Variants in DSC2 observed in about 807,000 individuals in gnomAD.
The protein encoded by DSC2 is desmocollin-2.
A neutral mutation model predicts 87.6 loss-of-function variants in DSC2; 51 were observed. The ratio of observed to expected loss-of-function variants is 0.58; its 90% CI spans 0.46 to 0.74. DSC2 has a LOEUF of 0.74. Ranked by LOEUF, DSC2 falls within the 30% of genes least tolerant of loss-of-function variation. DSC2 has a pLI of 0.00. For missense variants in DSC2, 1,066 were observed against 1,089.5 expected (o/e 0.98, Z 0.30); for synonymous variants, 383 against 393.2 (o/e 0.97, Z 0.31).
intron 8 of DSC2, 29 bp from the exon 9 acceptor site, chr18:31,082,452 T>G (rs748070748): frequency 1.9e-6 from 3 of 1,602,840 alleles, no homozygotes; most frequent in Non-Finnish European, 1.7e-6. Context: ...ACAAAAAATT[T>G]CGTTAGTAAC....
intron 4 of DSC2, among the ~76,000 whole-genome samples, chr18:31,090,439 G>C (rs1987552829): frequency 6.6e-6 from 1 of 152,110 alleles, no homozygotes; most frequent in Admixed American, 6.5e-5. Flanking sequence ...CAGAGAAAAA[G>C]AGCCAGGTAT....
chr18:31,067,231 C>A lies in DSC2; in HGVS notation c.*784G>T, dbSNP rs1613246. The A allele has an allele frequency of 2.8e-5, 4 of 142,972 alleles. No homozygotes were observed. The highest frequency in any genetic ancestry group is 4.4e-4 in the South Asian group (2 of 4,530). The allele number at this position is 142,972 out of a possible 1,614,324, so 8.9% of individuals were successfully genotyped here. A position where few individuals can be genotyped will look rare whatever the true frequency, so the allele number is the denominator to read the frequency against. The stretch of plus-strand genomic sequence containing the variant: ...GACAGATTTTTAAAATATTTGGATT[C>A]TTTAGCCCATATGGAAATTAAAAAA... On this transcript the variant is annotated 3_prime_UTR_variant, in exon 16 of 16. Coordinates refer to ENST00000280904, the MANE Select transcript of DSC2 (RefSeq NM_024422.6).
intron 1 of DSC2, among the ~76,000 whole-genome samples, chr18:31,100,515 G>A (rs1987904979): frequency 6.6e-6 from 1 of 152,198 alleles, no homozygotes. Flanking sequence ...TCTGTAAAAT[G>A]TTAACTGCTG....
At chr18:31,080,761 C>T (rs1043362644) in intron 9 of DSC2, among the ~76,000 whole-genome samples, 5 of 152,196 alleles carry the variant, frequency 3.3e-5, no homozygotes, top group African/African-American at 1.2e-4. Context: ...CCTACCTAGT[C>T]ATGCCTCCTA....
intron 7 of DSC2, among the ~76,000 whole-genome samples, chr18:31,086,027 T>C (rs143744407): frequency 5.1e-4 from 77 of 152,068 alleles, no homozygotes; most frequent in African/African-American, 1.8e-3. Context: ...AAGGTGACAA[T>C]AGAAAATGAT....
intron 12 of DSC2, among the ~76,000 whole-genome samples, chr18:31,073,223 T>C (rs2144795029): frequency 6.6e-6 from 1 of 151,900 alleles, no homozygotes; most frequent in South Asian, 2.1e-4. Flanking sequence ...TAAGTAAGAC[T>C]ATTGGGAAAA....
chr18:31,101,898 C>T lies in DSC2; in HGVS notation c.69+5G>A, dbSNP rs1196664685. ...CCCCGGAGCGGTGGCCGCGGCTACA[C>T]TCACCGCGAGGGTCAGCAGGAGCAG... On this transcript the variant is annotated splice_donor_5th_base_variant and intron_variant, in intron 1 of 15. Coordinates refer to ENST00000280904, the MANE Select transcript of DSC2 (RefSeq NM_024422.6). 6.5e-7 allele frequency: 1 copy of T among 1,531,934 alleles called. No homozygotes were observed. The highest frequency in any genetic ancestry group is 8.7e-7 in the Non-Finnish European group (1 of 1,144,378). The allele number at this position is 1,531,934 out of a possible 1,614,324, so 94.9% of individuals were successfully genotyped here.
Position 31,093,650 on chromosome 18 carries a change from A to C in DSC2, c.70-7T>G, listed in dbSNP as rs184341263. 1.2e-5 allele frequency: 18 copies of C among 1,559,088 alleles called. No homozygotes were observed. In the East Asian group the frequency reaches 4.2e-4, roughly 36 times the overall value. ...CACTGGCAAATATTAAGATCTAAAA[A>C]ATGAAAAAAAATCAAATAAATATTA... is the stretch of plus-strand genomic sequence containing the variant. On this transcript the variant is annotated splice_polypyrimidine_tract_variant and splice_region_variant and intron_variant, in intron 1 of 15. Transcript: ENST00000280904.
intron 1 of DSC2, among the ~76,000 whole-genome samples, chr18:31,099,865 A>G (rs998829988): frequency 5.3e-5 from 8 of 152,092 alleles, no homozygotes; most frequent in Non-Finnish European, 2.9e-5. Context: ...CCTCCTACCA[A>G]AGATATTTCT....
At chr18:31,069,197 C>T (rs1391343834) in intron 14 of DSC2, 46 bp from the exon 15 acceptor site, 3 of 1,611,908 alleles carry the variant, frequency 1.9e-6, no homozygotes, top group Non-Finnish European at 2.5e-6. Context: ...GAGAGGAACA[C>T]AAAATTATGA....
intron 15 of DSC2, 77 bp downstream of exon 15, chr18:31,068,817 T>C (rs1231784194): frequency 1.9e-6 from 3 of 1,542,956 alleles, no homozygotes; most frequent in South Asian, 1.1e-5. Flanking sequence ...TTGAAAATTA[T>C]AGTCAGAATC....
intron 11 of DSC2, among the ~76,000 whole-genome samples, chr18:31,078,812 A>T (rs187019457): frequency 6.6e-6 from 1 of 152,296 alleles, no homozygotes; most frequent in African/African-American, 2.4e-5. Context: ...TATATTTAGC[A>T]TATTTATTTT....
At chr18:31,073,315 T>C (rs1986892246) in intron 12 of DSC2, among the ~76,000 whole-genome samples, 1 of 151,222 alleles carries the variant, frequency 6.6e-6, no homozygotes, top group African/African-American at 2.4e-5. Context: ...AATCTAAGAA[T>C]AAAGTTAATT....
At chr18:31,090,412 T>C (rs912726513) in intron 4 of DSC2, among the ~76,000 whole-genome samples, 1 of 152,114 alleles carries the variant, frequency 6.6e-6, no homozygotes, top group Non-Finnish European at 1.5e-5. Context: ...GGGTTTCTAC[T>C]GAAAGTTAAA....
Position 31,093,445 on chromosome 18 carries a change from C to T in DSC2, c.154+114G>A, listed in dbSNP as rs553476689. 48 of 731,454 alleles carry T rather than the reference C, an allele frequency of 6.6e-5. No individual in the cohort carries two copies. The African/African-American group carries it at 7.4e-4, about 11-fold the overall frequency. 45.3% of individuals were successfully genotyped at this position (731,454 alleles called of 1,614,324 possible). A position where few individuals can be genotyped will look rare whatever the true frequency, so the allele number is the denominator to read the frequency against. ...TGAGAATAATTGCTTCCAGCTCCAT[C>T]CACATCCCTTCCAAGGGACAAGATC... On this transcript the variant is annotated intron_variant, in intron 2 of 15. Transcript: ENST00000280904.
Position 31,089,019 on chromosome 18 carries a change from G to T in DSC2, c.630+420C>A, listed in dbSNP as rs142245179. Reference sequence around the variant, plus strand: ...TCTCTACTAAAAATACAAAAAATTAGCTGGGTATCATGGTGCGTGCCTGTG... The same window carrying T: ...TCTCTACTAAAAATACAAAAAATTATCTGGGTATCATGGTGCGTGCCTGTG... On this transcript the variant is annotated intron_variant, in intron 5 of 15. Transcript: ENST00000280904. Among the ~76,000 whole-genome samples the T allele has an allele frequency of 2.0e-5, 3 of 151,986 alleles. No individual in the cohort carries two copies. In the East Asian group the frequency reaches 5.8e-4, roughly 30 times the overall value.
In DSC2 at chr18:31,101,996, G is replaced by C. The variant is rs904308285; in HGVS notation, c.-25C>G. ...TGGAGAGGGCTCGGGGCAGGTCGCG[G>C]GCCGAGCGTCGGGCCGGGGTAGGAG... On this transcript the variant is annotated 5_prime_UTR_variant, in exon 1 of 16. Transcript: ENST00000280904. The C allele has an allele frequency of 2.2e-5, 33 of 1,486,926 alleles. No homozygotes were observed. In the African/African-American group the frequency reaches 3.8e-4, roughly 17 times the overall value. The allele number at this position is 1,486,926 out of a possible 1,614,324, so 92.1% of individuals were successfully genotyped here.
At chr18:31,093,510 A>G in intron 2 of DSC2, 49 bp downstream of exon 2, 1 of 1,443,506 alleles carries the variant, frequency 6.9e-7, no homozygotes, top group Non-Finnish European at 9.7e-7. Flanking sequence ...CATGGCGTAT[A>G]TGTACCACAG....
Position 31,092,174 on chromosome 18 carries a change from A to T in DSC2, c.281T>A (p.Phe94Tyr). The change falls in exon 3 of 16, where the codon TTT (phenylalanine) becomes TAT (tyrosine). Residue 94 changes from phenylalanine (F) to tyrosine (Y), a missense_variant. Transcript: ENST00000280904. ...TILLSSEKRSFTILLSNTENQ... is the reference protein window; with the variant it reads ...TILLSSEKRSYTILLSNTENQ... ...CTCAGTGTTGGAAAGTAATATGGTAAAACTTCTCTTCTCCGAGGACAATAG... is the reference window on the plus strand; with the variant it reads ...CTCAGTGTTGGAAAGTAATATGGTATAACTTCTCTTCTCCGAGGACAATAG... 2 of 1,613,686 alleles carry T rather than the reference A, an allele frequency of 1.2e-6. No homozygotes were observed. The highest frequency in any genetic ancestry group is 4.5e-5 in the East Asian group (2 of 44,816).
Sources: gnomAD v4.1 joint callset for allele counts (sites outside exome capture counted in the v4.1 genomes callset) on GRCh38, gnomAD v4.1.1 for gene constraint, MANE v1.5 for transcripts, NCBI Gene and HGNC (gene_info 2026-07-23, HGNC 2026-07-21) for gene names.